TRPM2: variants seen among roughly 807,000 people sequenced by gnomAD.
TRPM2 encodes the protein estrogen-responsive element-associated gene 1 protein.
TRPM2 carries 161 observed loss-of-function variants against 174.0 expected under a neutral mutation model. The ratio of observed to expected loss-of-function variants is 0.93; its 90% CI spans 0.81 to 1.05. TRPM2 has a LOEUF of 1.05. Among genes scored for constraint, TRPM2 ranks in the 50% least tolerant of loss-of-function variants. TRPM2 has a pLI of 0.00. For missense variants in TRPM2, 2,057 were observed against 2,038.0 expected (o/e 1.01, Z -0.18); for synonymous variants, 954 against 861.3 (o/e 1.11, Z -1.88).
At position 44,400,351 on chromosome 21, in the gene TRPM2, C is replaced by G. The variant is rs757715079; in HGVS notation, c.2301C>G (p.Leu767=). 6.2e-7 allele frequency: 1 copy of G among 1,612,058 alleles called. No homozygotes were observed. The highest frequency in any genetic ancestry group is 8.5e-7 in the Non-Finnish European group (1 of 1,179,830). ...TLCMLAFPLL[L]TGLISFREKR... is the part of the protein sequence containing the mutation. ...GCATGCTGGCCTTCCCGCTGCTCCT[C>G]ACCGGCCTCATCTCCTTCAGGTGCT... is the stretch of plus-strand genomic sequence containing the variant. Residue 767 remains leucine, a synonymous_variant, in exon 15 of 32, where the codon CTC becomes CTG. Coordinates refer to ENST00000397928, the MANE Select transcript of TRPM2 (RefSeq NM_003307.4).
chr21:44,406,600 G>A lies in TRPM2; in HGVS notation c.2797G>A (p.Asp933Asn). 1 of 1,609,234 alleles carries A rather than the reference G, an allele frequency of 6.2e-7. No individual in the cohort carries two copies. The highest frequency in any genetic ancestry group is 1.1e-5 in the South Asian group (1 of 90,964). The change falls in exon 19 of 32, where the codon GAC becomes AAC. Residue 933 changes from aspartate (D) to asparagine (N), a missense_variant. Asp to Asn is a conservative substitution (Grantham distance 23). Transcript: ENST00000397928. ...KIIIVKRMMK[D>N]VFFFLFLLAV... ...CACACTCTCTGTCCTGCAGATGAAG[G>A]ACGTCTTCTTCTTCCTCTTCCTGCT...
intron 24 of TRPM2, 175 bp downstream of exon 24, chr21:44,425,114 G>A (rs2050706853): frequency 1.8e-5 from 11 of 621,668 alleles, no homozygotes; most frequent in Admixed American, 6.1e-5. Context: ...ACCCACCGAC[G>A]CTGGCGCCGA....
rs200702410 is a variant in TRPM2 at position 44,391,613 on chromosome 21, C to A, written c.1782C>A (p.His594Gln). The change falls in exon 11 of 32, where the codon CAC becomes CAA. Residue 594 changes from histidine (H) to glutamine (Q), a missense_variant. Transcript: ENST00000397928. This position sits in a 1 kb window ranked among gnomAD's most constrained non-coding sequence, Gnocchi z 5.0. ...TGCGGCTCCTGCTGCCCGTTCCCCA[C>A]GTCAAGCTCAACGTGCGTGCTGGTA... Reference protein sequence around the residue: ...DRLRLLLPVPHVKLNVQGVSL... With the variant: ...DRLRLLLPVPQVKLNVQGVSL... 13 of 1,576,696 alleles carry A rather than the reference C, an allele frequency of 8.2e-6. No individual in the cohort carries two copies. Among genetic ancestry groups the A allele is most frequent in the Non-Finnish European group, 1.0e-5 (12 of 1,167,978 alleles).
chr21:44,366,613 G>T lies in TRPM2; in HGVS notation c.424-141G>T, dbSNP rs2048368926. 5.5e-6 allele frequency: 6 copies of T among 1,081,910 alleles called. No individual in the cohort carries two copies. The highest frequency in any genetic ancestry group is 2.6e-5 in the East Asian group (1 of 38,742). 67.0% of individuals were successfully genotyped at this position (1,081,910 alleles called of 1,614,324 possible). On this transcript the variant is annotated intron_variant, in intron 3 of 31. Transcript: ENST00000397928. The surrounding 1 kb of genome is among the most constrained non-coding windows in gnomAD (Gnocchi z 6.0). ...TCGTGATCTGTGCCCTGCCCACATG[G>T]GGACCCCTTTTCTGGGTCTGAGCCG...
intron 7 of TRPM2, among the ~76,000 whole-genome samples, chr21:44,378,170 G>C (rs1235688888): frequency 6.6e-6 from 1 of 152,236 alleles, no homozygotes; most frequent in African/African-American, 2.4e-5. Flanking sequence ...CCCCATCCCA[G>C]ATCCGTGGTG....
Position 44,401,727 on chromosome 21 carries a change from G to C in TRPM2, c.2368G>C (p.Ala790Pro). 1 of 1,613,476 alleles carries C rather than the reference G, an allele frequency of 6.2e-7. No individual in the cohort carries two copies. The highest frequency in any genetic ancestry group is 8.5e-7 in the Non-Finnish European group (1 of 1,179,978). ...DVGTPAARAR[A>P]FFTAPVVVFH... ...GGGCACCCCCGCGGCCCGCGCCCGT[G>C]CCTTCTTCACCGCACCCGTGGTGGT... The change falls in exon 16 of 32, where the codon GCC becomes CCC. Residue 790 changes from alanine to proline, a missense_variant. Physicochemically the swap from Ala to Pro is conservative, Grantham distance 27. Transcript: ENST00000397928.
intron 5 of TRPM2, among the ~76,000 whole-genome samples, chr21:44,372,586 G>C (rs1274400748): frequency 6.6e-6 from 1 of 152,250 alleles, no homozygotes; most frequent in Non-Finnish European, 1.5e-5. Context: ...CTCTGGGTCT[G>C]ATCCATTCTG....
rs997055983 is a variant in TRPM2 at position 44,367,494 on chromosome 21, T to G, written c.604+560T>G. Among the ~76,000 whole-genome samples the G allele has an allele frequency of 1.1e-4, 17 of 152,162 alleles. No individual in the cohort carries two copies. The highest frequency in any genetic ancestry group is 4.1e-4 in the African/African-American group (17 of 41,442). Reference sequence around the variant, plus strand: ...TCACCTCCCAAGGTTGCACCACTGGTGAGAGCCAGGCAGGGACCCAGTCCT... The same window carrying G: ...TCACCTCCCAAGGTTGCACCACTGGGGAGAGCCAGGCAGGGACCCAGTCCT... On this transcript the variant is annotated intron_variant, in intron 4 of 31. Coordinates refer to ENST00000397928, the MANE Select transcript of TRPM2 (RefSeq NM_003307.4). This position sits in a 1 kb window ranked among gnomAD's most constrained non-coding sequence, Gnocchi z 4.6.
chr21:44,401,420 G>T (rs1367398018), intron 15 of TRPM2, among the ~76,000 whole-genome samples: 1 of 152,192 alleles, frequency 6.6e-6, no homozygotes, highest in Non-Finnish European at 1.5e-5. Flanking sequence ...CATGGGCAGG[G>T]CGTCAGCGGG....
intron 19 of TRPM2, among the ~76,000 whole-genome samples, chr21:44,408,428 A>G (rs188480498): frequency 5.9e-5 from 9 of 151,996 alleles, no homozygotes; most frequent in African/African-American, 1.9e-4. Context: ...CGCATTCCAC[A>G]TTCCTGCCTG....
At chr21:44,415,648 A>G (rs931651958) in intron 20 of TRPM2, 2 of 152,196 alleles carry the variant, frequency 1.3e-5, no homozygotes, top group Non-Finnish European at 2.9e-5. Flanking sequence ...CAGGAGACCC[A>G]TGCAGTAGCT....
At chr21:44,427,161 T>TG (rs2050828582) in intron 27 of TRPM2, 50 bp downstream of exon 27, 2 of 1,465,612 alleles carry the variant, frequency 1.4e-6, no homozygotes, top group Non-Finnish European at 1.8e-6. Context: ...GGGGTTTGCC[T>TG]GGGGGGCAGG....
chr21:44,374,230 C>T lies in TRPM2; in HGVS notation c.772-1603C>T, dbSNP rs186382957. Among the ~76,000 whole-genome samples, 332 of 152,218 alleles carry T rather than the reference C, an allele frequency of 2.2e-3. 2 individuals are homozygous for T. Among genetic ancestry groups the T allele is most frequent in the African/African-American group, 7.7e-3 (321 of 41,534 alleles). On this transcript the variant is annotated intron_variant, in intron 5 of 31. Coordinates refer to ENST00000397928, the MANE Select transcript of TRPM2 (RefSeq NM_003307.4). ...TTCACCATGTTGGCCAGGCTGGTCTCGAACTCCTGACCTCAACTGATCTGC... is the reference window on the plus strand; with the variant it reads ...TTCACCATGTTGGCCAGGCTGGTCTTGAACTCCTGACCTCAACTGATCTGC...
intron 17 of TRPM2, among the ~76,000 whole-genome samples, chr21:44,405,698 C>T (rs2049845550): frequency 6.6e-6 from 1 of 152,154 alleles, no homozygotes; most frequent in Admixed American, 6.6e-5. Context: ...GCCAGGCTGC[C>T]CTGTGGGGCT....
chr21:44,418,352 G>T, intron 21 of TRPM2, 71 bp from the exon 22 acceptor site: 1 of 1,577,198 alleles, frequency 6.3e-7, no homozygotes. Flanking sequence ...GGGCCCCCCC[G>T]GTGGGTCAGG....
chr21:44,442,535 A>C lies in TRPM2; in HGVS notation c.*718A>C, dbSNP rs1433447250. ...GGGACGGCATGAGCAGGAGGCGGGG[A>C]CGTGGGGGCCTTCTGGTTTGGTGTC... On this transcript the variant is annotated 3_prime_UTR_variant, in exon 32 of 32. Coordinates refer to ENST00000397928, the MANE Select transcript of TRPM2 (RefSeq NM_003307.4). 6.6e-6 allele frequency: 1 copy of C among 152,234 alleles called. No individual in the cohort carries two copies. Among genetic ancestry groups the C allele is most frequent in the Non-Finnish European group, 1.5e-5 (1 of 68,072 alleles). 9.4% of individuals were successfully genotyped at this position (152,234 alleles called of 1,614,324 possible). A position where few individuals can be genotyped will look rare whatever the true frequency, so the allele number is the denominator to read the frequency against.
At chr21:44,431,547 G>A (rs895371135) in intron 27 of TRPM2, among the ~76,000 whole-genome samples, 1 of 152,134 alleles carries the variant, frequency 6.6e-6, no homozygotes, top group Non-Finnish European at 1.5e-5. Context: ...TTGGCTCACT[G>A]CAACCTCCGC....
chr21:44,402,694 C>A (rs1176423378), intron 16 of TRPM2, among the ~76,000 whole-genome samples: 1 of 152,188 alleles, frequency 6.6e-6, no homozygotes, highest in Admixed American at 6.5e-5. Flanking sequence ...GAGGCTATCT[C>A]CCTGGAGCTG....
chr21:44,407,943 C>T (rs1350468970), intron 19 of TRPM2, among the ~76,000 whole-genome samples: 4 of 148,552 alleles, frequency 2.7e-5, no homozygotes, highest in African/African-American at 9.9e-5. Flanking sequence ...TTTTTTTTTC[C>T]CCTAGAGGGA....
Sources: gnomAD v4.1 joint callset for allele counts (sites outside exome capture counted in the v4.1 genomes callset) on GRCh38, gnomAD v4.1.1 for gene constraint, Gnocchi (gnomAD v3.1) non-coding constraint, MANE v1.5 for transcripts, NCBI Gene and HGNC (gene_info 2026-07-23, HGNC 2026-07-21) for gene names.